Variants in PDE7B observed in about 807,000 individuals in gnomAD.
The protein encoded by PDE7B is 3',5'-cyclic-AMP phosphodiesterase 7B.
Under a neutral mutation model 56.2 loss-of-function variants are expected in PDE7B, and 29 were observed. The observed-to-expected ratio is 0.52, with a 90% CI of 0.38 to 0.70. The LOEUF is 0.70. Among genes scored for constraint, PDE7B ranks in the 30% least tolerant of loss-of-function variants. The pLI, the probability that PDE7B is intolerant of heterozygous loss-of-function variation, is 0.00. For synonymous variants in PDE7B, 197 were observed against 196.9 expected, an observed-to-expected ratio of 1.00 and a Z score of 0.00; for missense variants, 490 against 565.0, an observed-to-expected ratio of 0.87 and a Z score of 1.35.
intron 1 of PDE7B, among the ~76,000 whole-genome samples, chr6:135,893,273 G>A (rs1775841130): frequency 7.6e-6 from 1 of 132,436 alleles, no homozygotes; most frequent in African/African-American, 2.9e-5. Context: ...CTGTGTCCAT[G>A]TGTTCTCATT....
intron 1 of PDE7B, among the ~76,000 whole-genome samples, chr6:135,868,900 C>A (rs1296949558): frequency 6.6e-6 from 1 of 152,158 alleles, no homozygotes; most frequent in Non-Finnish European, 1.5e-5. Flanking sequence ...TGTTTTTTGA[C>A]TATGACAGTC....
intron 2 of PDE7B, among the ~76,000 whole-genome samples, chr6:135,969,867 G>A (rs946210646): frequency 5.9e-5 from 9 of 152,236 alleles, no homozygotes; most frequent in African/African-American, 1.4e-4. Context: ...CAGAGATGAA[G>A]GAAGGAAATG....
intron 1 of PDE7B, among the ~76,000 whole-genome samples, chr6:135,911,248 AT>A (rs1776207373): frequency 6.6e-6 from 1 of 152,140 alleles, no homozygotes; most frequent in Non-Finnish European, 1.5e-5. Flanking sequence ...GATCCATTAA[AT>A]CTCCACACCC....
intron 1 of PDE7B, among the ~76,000 whole-genome samples, chr6:135,863,673 T>C (rs78139011): frequency 0.057 from 8,649 of 150,934 alleles, 618 homozygotes; most frequent in African/African-American, 0.17. Flanking sequence ...AATTTTACCA[T>C]AGTAAAACAT....
At chr6:135,870,434 A>ATGTG (rs142590011) in intron 1 of PDE7B, among the ~76,000 whole-genome samples, 23 of 149,984 alleles carry the variant, frequency 1.5e-4, no homozygotes, top group African/African-American at 4.6e-4. Flanking sequence ...TAAGGATTAA[A>ATGTG]TGTGTGTGTG....
Position 136,143,357 on chromosome 6 carries a change from AT to A in PDE7B, c.167-3986del, listed in dbSNP as rs1214429773. Among the ~76,000 whole-genome samples the A allele has an allele frequency of 3.3e-5, 5 of 151,378 alleles. No homozygotes were observed. The East Asian group carries it at 7.8e-4, about 23-fold the overall frequency. Reference sequence around the variant, plus strand: ...ACAGTGATACCCCCATGTCTATTATATTTTTTTTATTTAAAAAAAAAATGCA... The same window carrying A: ...ACAGTGATACCCCCATGTCTATTATATTTTTTTATTTAAAAAAAAAATGCA... On this transcript the variant is annotated intron_variant, in intron 3 of 12. Transcript: ENST00000308191.
At chr6:136,179,237 A>G in intron 10 of PDE7B, 96 bp downstream of exon 10, 1 of 1,105,406 alleles carries the variant, frequency 9.0e-7, no homozygotes, top group South Asian at 1.4e-5. Flanking sequence ...GCTACTTGGG[A>G]GGCTGAGGCA....
chr6:135,950,897 A>C (rs1774688024), intron 2 of PDE7B, among the ~76,000 whole-genome samples: 1 of 152,202 alleles, frequency 6.6e-6, no homozygotes, highest in Admixed American at 6.5e-5. Flanking sequence ...ACATAAGTGT[A>C]AAATTCACCT....
chr6:135,886,396 T>G (rs1256733322), intron 1 of PDE7B, among the ~76,000 whole-genome samples: 1 of 152,074 alleles, frequency 6.6e-6, no homozygotes, highest in Non-Finnish European at 1.5e-5. Context: ...TTTCAGTAGT[T>G]TTTTGGGTAT....
intron 2 of PDE7B, among the ~76,000 whole-genome samples, chr6:135,962,191 G>A (rs757048074): frequency 6.6e-6 from 1 of 152,122 alleles, no homozygotes; most frequent in Non-Finnish European, 1.5e-5. Context: ...CATCATATTT[G>A]GAAAAATCGA....
chr6:136,041,900 G>T (rs561852218), intron 2 of PDE7B, among the ~76,000 whole-genome samples: 1 of 152,118 alleles, frequency 6.6e-6, no homozygotes, highest in Admixed American at 6.6e-5. Flanking sequence ...CCAGCATTTC[G>T]ATTGCCCAAC....
intron 9 of PDE7B, among the ~76,000 whole-genome samples, chr6:136,178,738 T>C (rs1478135980): frequency 6.6e-6 from 1 of 152,196 alleles, no homozygotes; most frequent in African/African-American, 2.4e-5. Context: ...TTTTCACCCA[T>C]AGAAATGTCT....
At position 136,073,865 on chromosome 6, in the gene PDE7B, CTTG is replaced by C. The variant is rs554192133; in HGVS notation, c.83-34861_83-34859del. On this transcript the variant is annotated intron_variant, in intron 2 of 12. Transcript: ENST00000308191. ...AGAATTTCAGCGTGATTTCTAAAAACTTGTTGTGAAAGTACAATGCGCAGAAAA... is the reference window on the plus strand; with the variant it reads ...AGAATTTCAGCGTGATTTCTAAAAACTTGTGAAAGTACAATGCGCAGAAAA... Among the ~76,000 whole-genome samples, 416 of 152,292 alleles carry C rather than the reference CTTG, an allele frequency of 2.7e-3. 2 individuals are homozygous for C. The highest frequency in any genetic ancestry group is 9.2e-3 in the African/African-American group (382 of 41,558).
At chr6:136,160,818 T>C (rs1778691364) in intron 8 of PDE7B, among the ~76,000 whole-genome samples, 1 of 152,124 alleles carries the variant, frequency 6.6e-6, no homozygotes, top group Admixed American at 6.5e-5. Flanking sequence ...CCCAAACATA[T>C]CACTCAATTC....
chr6:135,861,667 T>G (rs1775149937), intron 1 of PDE7B, among the ~76,000 whole-genome samples: 1 of 151,656 alleles, frequency 6.6e-6, no homozygotes, highest in Admixed American at 6.6e-5. Context: ...TAGAATTAAC[T>G]TAAGATTCTT....
At chr6:136,079,998 G>A (rs772742920) in intron 2 of PDE7B, among the ~76,000 whole-genome samples, 3 of 152,062 alleles carry the variant, frequency 2.0e-5, no homozygotes, top group Non-Finnish European at 2.9e-5. Context: ...CAAGGTCTGG[G>A]AACTGGATCC....
intron 2 of PDE7B, among the ~76,000 whole-genome samples, chr6:136,107,956 G>A (rs1366796305): frequency 6.6e-6 from 1 of 151,892 alleles, no homozygotes; most frequent in East Asian, 1.9e-4. Flanking sequence ...GTGATACCCT[G>A]TCTCTACTAA....
chr6:135,977,018 G>T (rs1427552900), intron 2 of PDE7B, among the ~76,000 whole-genome samples: 2 of 152,116 alleles, frequency 1.3e-5, no homozygotes, highest in Non-Finnish European at 2.9e-5. Flanking sequence ...TTCTGAGAGA[G>T]CTTGAAGTCA....
At chr6:136,024,364 C>T (rs9321549) in intron 2 of PDE7B, among the ~76,000 whole-genome samples, 20,062 of 152,148 alleles carry the variant, frequency 0.13, 2,754 homozygotes, top group African/African-American at 0.35. Flanking sequence ...TCATTGCTAG[C>T]GGAAATCTGC....
Sources: allele counts gnomAD v4.1 joint callset (sites outside exome capture counted in the v4.1 genomes callset), GRCh38; gene constraint gnomAD v4.1.1; transcripts MANE v1.5; gene names NCBI Gene and HGNC (gene_info 2026-07-23, HGNC 2026-07-21).